PLIN1: variants seen among roughly 807,000 people sequenced by gnomAD.
The protein encoded by PLIN1 is perilipin-1.
In PLIN1, 37 loss-of-function variants were observed where a neutral mutation model predicts 45.8. The ratio of observed to expected loss-of-function variants is 0.81; its 90% confidence interval spans 0.62 to 1.06. The LOEUF (loss-of-function observed/expected upper bound fraction) is 1.06, where lower values mean the gene tolerates loss of function less well. Among genes scored for constraint, PLIN1 ranks in the 50% least tolerant of loss-of-function variants. PLIN1 has a pLI of 0.00. For missense variants in PLIN1, 776 were observed against 716.5 expected (o/e 1.08, Z -0.95); for synonymous variants, 340 against 309.2 (o/e 1.10, Z -1.05).
intron 6 of PLIN1, among the ~76,000 whole-genome samples, 154 bp from the exon 7 acceptor site, chr15:89,667,947 G>T (rs1338579330): frequency 2.0e-5 from 3 of 151,528 alleles, no homozygotes; most frequent in Non-Finnish European, 4.4e-5. Flanking sequence ...TATTGAGTTG[G>T]TAATCTACAT....
In PLIN1 at chr15:89,673,235, C is replaced by A. The variant is rs752983239; in HGVS notation, c.225G>T (p.Pro75=). The change falls in exon 3 of 9, where the codon CCG becomes CCT. Residue 75 remains proline, a synonymous_variant. Transcript: ENST00000300055. ...ACTGGGTGGACAGCCTGCGGACCAC[C>A]GGCTCCATGCTCCAGGCAGCCAAGC... is the stretch of plus-strand genomic sequence containing the variant. ...ASSLAAWSME[P]VVRRLSTQFT... 10 of 1,572,466 alleles carry A rather than the reference C, an allele frequency of 6.4e-6. No individual in the cohort carries two copies. Among genetic ancestry groups the A allele is most frequent in the Non-Finnish European group, 8.6e-6 (10 of 1,157,716 alleles).
chr15:89,670,282 T>C, intron 4 of PLIN1, 38 bp from the exon 5 acceptor site: 1 of 1,595,814 alleles, frequency 6.3e-7, no homozygotes, highest in South Asian at 1.1e-5. Flanking sequence ...CATGTGGTCT[T>C]GCAGGCCCTA....
chr15:89,678,933 C>T (rs1964558846), intron 1 of PLIN1, among the ~76,000 whole-genome samples: 1 of 152,094 alleles, frequency 6.6e-6, no homozygotes, highest in Non-Finnish European at 1.5e-5. Context: ...GCAGCCTTGA[C>T]CTCCTGGGAT....
chr15:89,677,373 A>G (rs879777439), intron 2 of PLIN1, 72 bp downstream of exon 2: 3 of 1,202,644 alleles, frequency 2.5e-6, no homozygotes, highest in African/African-American at 1.5e-5. Flanking sequence ...AGTCCCCTGC[A>G]TCTCCCCTCC....
intron 2 of PLIN1, among the ~76,000 whole-genome samples, chr15:89,673,895 C>T (rs535480100): frequency 6.6e-6 from 1 of 152,366 alleles, no homozygotes; most frequent in Non-Finnish European, 1.5e-5. Context: ...GCCCTTGCTG[C>T]CTGGCAGAAT....
Position 89,667,042 on chromosome 15 carries a change from G to A in PLIN1, c.1103C>T (p.Thr368Ile). Residue 368 changes from threonine to isoleucine, a missense_variant, in exon 8 of 9, where the codon ACA becomes ATA. Physicochemically the swap from Thr to Ile is moderately conservative, Grantham distance 89 (BLOSUM62 -1). Coordinates refer to ENST00000300055, the MANE Select transcript of PLIN1 (RefSeq NM_002666.5). Reference protein sequence around the residue: ...LGMAGRVLHLTPAPAVSSTKG... With the variant: ...LGMAGRVLHLIPAPAVSSTKG... ...GGTTGAGGAGACAGCAGGGGCTGGT[G>A]TGAGGTGCAGCACCCTCCCTGCCAT... is the stretch of plus-strand genomic sequence containing the variant. The A allele has an allele frequency of 6.2e-7, 1 of 1,614,112 alleles. No individual in the cohort carries two copies. Among genetic ancestry groups the A allele is most frequent in the Non-Finnish European group, 8.5e-7 (1 of 1,179,996 alleles).
chr15:89,675,074 C>T (rs958831231), intron 2 of PLIN1, among the ~76,000 whole-genome samples: 2 of 151,976 alleles, frequency 1.3e-5, no homozygotes, highest in Non-Finnish European at 2.9e-5. Flanking sequence ...CATAATCACG[C>T]CACTGTACCA....
chr15:89,666,835 G>A (rs1000948440), intron 8 of PLIN1, 101 bp downstream of exon 8: 43 of 1,374,120 alleles, frequency 3.1e-5, no homozygotes, highest in Non-Finnish European at 4.1e-5. Flanking sequence ...CAGAGGAGTA[G>A]GGGAAAGGAG....
Position 89,664,960 on chromosome 15 carries a change from C to G in PLIN1, c.*623G>C. On this transcript the variant is annotated 3_prime_UTR_variant, in exon 9 of 9. Coordinates refer to ENST00000300055, the MANE Select transcript of PLIN1 (RefSeq NM_002666.5). ...CAAGCAGCTGGCTCTACAAAGCACA[C>G]AGGCCTGGACTCAGCCTGTGAAGCG... is the stretch of plus-strand genomic sequence containing the variant. 1 of 455,290 alleles carries G rather than the reference C, an allele frequency of 2.2e-6. No individual in the cohort carries two copies. The allele number at this position is 455,290 out of a possible 1,614,324, so 28.2% of individuals were successfully genotyped here.
chr15:89,670,174 A>C lies in PLIN1; in HGVS notation c.404T>G (p.Ile135Ser). Reference protein sequence around the residue: ...RSARNSISVPIASTSDKVLGA... With the variant: ...RSARNSISVPSASTSDKVLGA... ...CAGGACCTTGTCTGAAGTGCTCGCG[A>C]TGGGAACGCTGATGCTGTTTCTGGC... The change falls in exon 5 of 9, where the codon ATC becomes AGC. Residue 135 changes from isoleucine to serine, a missense_variant. Transcript: ENST00000300055. 2 of 1,614,050 alleles carry C rather than the reference A, an allele frequency of 1.2e-6. No homozygotes were observed. Among genetic ancestry groups the C allele is most frequent in the Non-Finnish European group, 1.7e-6 (2 of 1,180,000 alleles).
Position 89,668,192 on chromosome 15 carries a change from T to C in PLIN1, c.772-399A>G, listed in dbSNP as rs76899769. Among the ~76,000 whole-genome samples, 278 of 152,352 alleles carry C rather than the reference T, an allele frequency of 1.8e-3. 3 individuals are homozygous for C. The East Asian group carries it at 0.047, about 26-fold the overall frequency. On this transcript the variant is annotated intron_variant, in intron 6 of 8. Transcript: ENST00000300055. ...GAGTCACACCATGTGTATTCATCTA[T>C]TAATAGCTCCTTTAGTTAAATATGA...
chr15:89,665,609 A>G lies in PLIN1; in HGVS notation c.1543T>C (p.Tyr515His). ...VMEPILGRTH[Y>H]SQLRKKS Reference sequence around the variant, plus strand: ...CAGCTCTTCTTGCGCAGCTGGCTGTAATGCGTGCGGCCCAGGATGGGCTCC... The same window carrying G: ...CAGCTCTTCTTGCGCAGCTGGCTGTGATGCGTGCGGCCCAGGATGGGCTCC... Residue 515 changes from tyrosine to histidine, a missense_variant, in exon 9 of 9, where the codon TAC becomes CAC. Coordinates refer to ENST00000300055, the MANE Select transcript of PLIN1 (RefSeq NM_002666.5). 6.5e-7 allele frequency: 1 copy of G among 1,530,286 alleles called. No individual in the cohort carries two copies. The highest frequency in any genetic ancestry group is 8.8e-7 in the Non-Finnish European group (1 of 1,141,066). 94.8% of individuals were successfully genotyped at this position (1,530,286 alleles called of 1,614,324 possible). A position where few individuals can be genotyped will look rare whatever the true frequency, so the allele number is the denominator to read the frequency against.
At chr15:89,670,372 C>T in intron 4 of PLIN1, 128 bp from the exon 5 acceptor site, 3 of 933,394 alleles carry the variant, frequency 3.2e-6, no homozygotes, top group South Asian at 3.5e-5. Context: ...GGAACTGGTA[C>T]TGATATTTAG....
intron 6 of PLIN1, 63 bp downstream of exon 6, chr15:89,669,437 G>A: frequency 7.6e-7 from 1 of 1,322,234 alleles, no homozygotes; most frequent in Non-Finnish European, 1.1e-6. Flanking sequence ...GGGATGGGAG[G>A]GACTAGGAGG....
intron 2 of PLIN1, 199 bp downstream of exon 2, chr15:89,677,246 T>A (rs756804871): frequency 1.4e-4 from 85 of 625,382 alleles, no homozygotes; most frequent in Admixed American, 6.2e-4. Context: ...TTAATAGGCA[T>A]CTTTTTTTCC....
At chr15:89,677,113 C>T (rs1266023211) in intron 2 of PLIN1, 5 of 412,230 alleles carry the variant, frequency 1.2e-5, no homozygotes, top group South Asian at 9.2e-5. Flanking sequence ...GAATGCACAT[C>T]CAGCTGGGTG....
rs1302956321 is a variant in PLIN1, at chr15:89,667,081, G to A, written c.1064C>T (p.Ala355Val). 2 of 1,614,118 alleles carry A rather than the reference G, an allele frequency of 1.2e-6. No homozygotes were observed. Among genetic ancestry groups the A allele is most frequent in the Non-Finnish European group, 8.5e-7 (1 of 1,179,988 alleles). Residue 355 changes from alanine (A) to valine (V), a missense_variant, in exon 8 of 9, where the codon GCA becomes GTA. Transcript: ENST00000300055. ...CCTCCCTGCCATGCCCAGCACAGCT[G>A]CAGGTGCCCATGTCACAGCCGAGAT... ...TTISAVTWAP[A>V]AVLGMAGRVL...
At chr15:89,675,963 C>T (rs1014262185) in intron 2 of PLIN1, among the ~76,000 whole-genome samples, 6 of 151,922 alleles carry the variant, frequency 3.9e-5, no homozygotes, top group African/African-American at 9.7e-5. Flanking sequence ...TCATGGTCTT[C>T]GGGGCTAATA....
intron 6 of PLIN1, 57 bp from the exon 7 acceptor site, chr15:89,667,850 GC>G: frequency 9.8e-6 from 15 of 1,537,226 alleles, no homozygotes; most frequent in Non-Finnish European, 1.2e-5. Flanking sequence ...AGGCCAGGGA[GC>G]CCCAGCAGCC....
Sources: allele counts gnomAD v4.1 joint callset (sites outside exome capture counted in the v4.1 genomes callset), GRCh38; gene constraint gnomAD v4.1.1; transcripts MANE v1.5; gene names NCBI Gene and HGNC (gene_info 2026-07-23, HGNC 2026-07-21).